Variants in ACOX3 observed in about 807,000 individuals in gnomAD.
The protein encoded by ACOX3 is peroxisomal acyl-coenzyme A oxidase 3.
A neutral mutation model predicts 81.5 loss-of-function variants in ACOX3; 73 were observed. That is an observed-to-expected ratio of 0.90 (90% CI 0.74 to 1.09). The LOEUF is 1.09. ACOX3 is among the 50% of genes least tolerant of loss of function. The pLI is 0.00. For synonymous variants in ACOX3, 387 were observed against 375.1 expected (o/e 1.03, Z -0.37); for missense variants, 947 against 928.0 (o/e 1.02, Z -0.27).
chr4:8,400,175 C>T lies in ACOX3; in HGVS notation c.777-523G>A, dbSNP rs558289105. Reference sequence around the variant, plus strand: ...CTGAGACAGGAGAATTGTTTGAACCCGGGCGGCGGAAGTTGCAGTGAGCCA... The same window carrying T: ...CTGAGACAGGAGAATTGTTTGAACCTGGGCGGCGGAAGTTGCAGTGAGCCA... On this transcript the variant is annotated intron_variant, in intron 7 of 17. Transcript: ENST00000356406. The surrounding 1 kb of genome is among the most constrained non-coding windows in gnomAD (Gnocchi z 4.4). Among the ~76,000 whole-genome samples the T allele has an allele frequency of 1.5e-3, 231 of 151,996 alleles. No individual in the cohort carries two copies. Among genetic ancestry groups the T allele is most frequent in the Middle Eastern group, 0.01 (3 of 292 alleles).
rs2049302 is a variant in ACOX3, at chr4:8,416,878, C to T, written c.-14-343G>A. On this transcript the variant is annotated intron_variant, in intron 1 of 17. Coordinates refer to ENST00000356406, the MANE Select transcript of ACOX3 (RefSeq NM_003501.3). The surrounding 1 kb of genome is among the most constrained non-coding windows in gnomAD (Gnocchi z 4.2). The stretch of plus-strand genomic sequence containing the variant: ...GTACCCTGCCCTCTTGGGAGCACCC[C>T]GGACATCCAGACTCATCCCCAAGGC... Among the ~76,000 whole-genome samples, 75,354 of 152,070 alleles carry T rather than the reference C, an allele frequency of 0.5. 18,811 individuals are homozygous for T. Among genetic ancestry groups the T allele is most frequent in the South Asian group, 0.56 (2,688 of 4,828 alleles).
intron 1 of ACOX3, among the ~76,000 whole-genome samples, chr4:8,417,491 C>T (rs1250976721): frequency 6.6e-6 from 1 of 152,170 alleles, no homozygotes; most frequent in African/African-American, 2.4e-5. Flanking sequence ...TACTACTGCC[C>T]CCCATGAAAG....
At chr4:8,359,383 C>T in the ACOX3 span, among the ~76,000 whole-genome samples, 3 of 151,764 alleles carry the variant, frequency 2.0e-5, no homozygotes, top group East Asian at 1.9e-4. The surrounding 1 kb of genome is among the most constrained non-coding windows in gnomAD (Gnocchi z 6.0). Context: ...AAGGTAAGGA[C>T]GCTTGCTCAA....
chr4:8,435,185 A>G (rs1394656955), intron 1 of ACOX3, among the ~76,000 whole-genome samples: 2 of 152,250 alleles, frequency 1.3e-5, no homozygotes, highest in East Asian at 3.9e-4. Flanking sequence ...TAAGAACTCT[A>G]TGTGAATTAG....
chr4:8,433,719 C>T (rs763914813), intron 1 of ACOX3, among the ~76,000 whole-genome samples: 7 of 152,088 alleles, frequency 4.6e-5, no homozygotes, highest in Non-Finnish European at 7.3e-5. Context: ...TTTCTTACTC[C>T]GACAGAGATC....
At position 8,389,274 on chromosome 4, in the gene ACOX3, A is replaced by G; in HGVS notation, c.1436T>C (p.Phe479Ser). Residue 479 changes from phenylalanine to serine, a missense_variant, in exon 13 of 18, where the codon TTC (phenylalanine) becomes TCC (serine). Transcript: ENST00000356406. This position sits in a 1 kb window ranked among gnomAD's most constrained non-coding sequence, Gnocchi z 5.3. ...GTCCACTGACTTCAGCGGACTGCGG[A>G]AGCAAGCTCCATCTAGGACACACAT... ...LAHQVHDGAC[F>S]RSPLKSVDFL... 6.2e-7 allele frequency: 1 copy of G among 1,612,894 alleles called. No homozygotes were observed. The highest frequency in any genetic ancestry group is 8.5e-7 in the Non-Finnish European group (1 of 1,179,508).
At position 8,404,213 on chromosome 4, in the gene ACOX3, C is replaced by A. The variant is rs372085484; in HGVS notation, c.776+1742G>T. On this transcript the variant is annotated intron_variant, in intron 7 of 17. Coordinates refer to ENST00000356406, the MANE Select transcript of ACOX3 (RefSeq NM_003501.3). ...AGGGCCTGAACAGCGACCCTCCATA[C>A]CTGCTACACGGGCACCGTCCATGCC... is the stretch of plus-strand genomic sequence containing the variant. Among the ~76,000 whole-genome samples, 23 of 152,350 alleles carry A rather than the reference C, an allele frequency of 1.5e-4. No individual in the cohort carries two copies. In the South Asian group the frequency reaches 3.1e-3, roughly 21 times the overall value.
In ACOX3 at chr4:8,416,877, C is replaced by G. The variant is rs1722403356; in HGVS notation, c.-14-342G>C. ...AGTACCCTGCCCTCTTGGGAGCACC[C>G]CGGACATCCAGACTCATCCCCAAGG... is the stretch of plus-strand genomic sequence containing the variant. On this transcript the variant is annotated intron_variant, in intron 1 of 17. Coordinates refer to ENST00000356406, the MANE Select transcript of ACOX3 (RefSeq NM_003501.3). The surrounding 1 kb of genome is among the most constrained non-coding windows in gnomAD (Gnocchi z 4.2). 6.6e-6 allele frequency among the ~76,000 whole-genome samples: 1 copy of G among 152,208 alleles called. No homozygotes were observed. Among genetic ancestry groups the G allele is most frequent in the Non-Finnish European group, 1.5e-5 (1 of 68,046 alleles).
At chr4:8,412,525 T>TGGATGGAAGAATGAATGGAC in intron 5 of ACOX3, among the ~76,000 whole-genome samples, 1 of 152,046 alleles carries the variant, frequency 6.6e-6, no homozygotes, top group Non-Finnish European at 1.5e-5. Context: ...GATGAATGGA[T>TGGATGGAAGAATGAATGGAC]GGATGGAAGA....
the ACOX3 span, chr4:8,356,888 G>A: frequency 4.4e-6 from 2 of 455,834 alleles, no homozygotes; most frequent in Middle Eastern, 3.3e-4. Context: ...GCAGGGGAGA[G>A]GAAGAAAGTG....
At position 8,432,350 on chromosome 4, in the gene ACOX3, T is replaced by C. The variant is rs987796846; in HGVS notation, c.-15+8298A>G. Among the ~76,000 whole-genome samples the C allele has an allele frequency of 2.8e-4, 43 of 152,032 alleles. No individual in the cohort carries two copies. The highest frequency in any genetic ancestry group is 8.9e-4 in the African/African-American group (37 of 41,454). ...CCGGGTTCAAGCCATTCTCCTGCCT[T>C]AGCCTCCCGAGTAGCTGGGACTACA... On this transcript the variant is annotated intron_variant, in intron 1 of 17. Coordinates refer to ENST00000356406, the MANE Select transcript of ACOX3 (RefSeq NM_003501.3). The surrounding 1 kb of genome is among the most constrained non-coding windows in gnomAD (Gnocchi z 6.2).
chr4:8,385,733 G>C lies in ACOX3; in HGVS notation c.1537+3440C>G, dbSNP rs370606916. On this transcript the variant is annotated intron_variant, in intron 13 of 17. Coordinates refer to ENST00000356406, the MANE Select transcript of ACOX3 (RefSeq NM_003501.3). The surrounding 1 kb of genome is among the most constrained non-coding windows in gnomAD (Gnocchi z 5.5). Reference sequence around the variant, plus strand: ...CACAGGCAAGCGCAACCCCGGAAGGGGCCTGTGTCTCTCCAGTCCTGCAGA... The same window carrying C: ...CACAGGCAAGCGCAACCCCGGAAGGCGCCTGTGTCTCTCCAGTCCTGCAGA... Among the ~76,000 whole-genome samples, 16 of 152,188 alleles carry C rather than the reference G, an allele frequency of 1.1e-4. No homozygotes were observed. The highest frequency in any genetic ancestry group is 3.6e-4 in the African/African-American group (15 of 41,450).
chr4:8,425,221 G>A (rs368922467), intron 1 of ACOX3, among the ~76,000 whole-genome samples: 2 of 152,076 alleles, frequency 1.3e-5, no homozygotes, highest in Non-Finnish European at 2.9e-5. Flanking sequence ...AGGGAACCGC[G>A]AAGCAGATAC....
intron 8 of ACOX3, among the ~76,000 whole-genome samples, chr4:8,398,379 C>T (rs1719955139): frequency 6.6e-6 from 1 of 152,078 alleles, no homozygotes; most frequent in Admixed American, 6.5e-5. Context: ...TAGGTGCTTC[C>T]TTACTTTTCC....
chr4:8,440,663 T>C lies in ACOX3; in HGVS notation c.-30A>G. The C allele has an allele frequency of 1.1e-6, 1 of 904,394 alleles. No individual in the cohort carries two copies. Among genetic ancestry groups the C allele is most frequent in the Non-Finnish European group, 1.6e-6 (1 of 639,298 alleles). 56.0% of individuals were successfully genotyped at this position (904,394 alleles called of 1,614,324 possible). On this transcript the variant is annotated 5_prime_UTR_variant, in exon 1 of 18. Transcript: ENST00000356406. The stretch of plus-strand genomic sequence containing the variant: ...AATTCCTCACCCACACACTCCACAG[T>C]TCAACCCCTGCCAGGGAAACCAAAA...
rs751758227 is a variant in ACOX3, at chr4:8,421,461, C to T, written c.-14-4926G>A. ...CGGCATTGGCCGGTCAAGATCATGGCGCAGCCAGAAGTCTCTACTCAACAG... is the reference window on the plus strand; with the variant it reads ...CGGCATTGGCCGGTCAAGATCATGGTGCAGCCAGAAGTCTCTACTCAACAG... On this transcript the variant is annotated intron_variant, in intron 1 of 17. Transcript: ENST00000356406. Among the ~76,000 whole-genome samples, 71 of 152,346 alleles carry T rather than the reference C, an allele frequency of 4.7e-4. 1 individual carries two copies. The highest frequency in any genetic ancestry group is 4.6e-4 in the Non-Finnish European group (31 of 68,032).
chr4:8,380,379 C>T (rs1717486969), intron 14 of ACOX3, among the ~76,000 whole-genome samples: 1 of 151,984 alleles, frequency 6.6e-6, no homozygotes, highest in Non-Finnish European at 1.5e-5. Context: ...TTAGGATACA[C>T]CAGGTTTCAC....
chr4:8,382,539 A>G lies in ACOX3; in HGVS notation c.1538-932T>C, dbSNP rs940135. On this transcript the variant is annotated intron_variant, in intron 13 of 17. Coordinates refer to ENST00000356406, the MANE Select transcript of ACOX3 (RefSeq NM_003501.3). This position sits in a 1 kb window ranked among gnomAD's most constrained non-coding sequence, Gnocchi z 4.1. ...AGGGCCTGGCGCCCAGACACGAGGC[A>G]CCTCCAGGCTGCAGGGGCCTTCTGC... Among the ~76,000 whole-genome samples the G allele has an allele frequency of 0.33, 50,746 of 152,164 alleles. 12,170 individuals are homozygous for G. The highest frequency in any genetic ancestry group is 0.69 in the African/African-American group (28,471 of 41,516).
At chr4:8,395,585 T>A (rs767325226) in intron 9 of ACOX3, among the ~76,000 whole-genome samples, 1 of 152,216 alleles carries the variant, frequency 6.6e-6, no homozygotes, top group Non-Finnish European at 1.5e-5. Flanking sequence ...TTATCATCAG[T>A]TCTAACTTAC....
Sources: gnomAD v4.1 joint callset for allele counts (sites outside exome capture counted in the v4.1 genomes callset) on GRCh38, gnomAD v4.1.1 for gene constraint, Gnocchi (gnomAD v3.1) non-coding constraint, MANE v1.5 for transcripts, NCBI Gene and HGNC (gene_info 2026-07-23, HGNC 2026-07-21) for gene names.